Variants in GNAI2 observed in about 807,000 individuals in gnomAD.
GNAI2 encodes G protein subunit alpha i2.
In GNAI2, 4 loss-of-function variants were observed where a neutral mutation model predicts 36.8. The observed-to-expected ratio is 0.11, with a 90% CI of 0.05 to 0.25. The LOEUF (loss-of-function observed/expected upper bound fraction) is 0.25. GNAI2 is among the 10% of genes least tolerant of loss of function. The pLI is 1.00. For synonymous variants in GNAI2, 194 were observed against 194.1 expected, an observed-to-expected ratio of 1.00 and a Z score of 0.01; for missense variants, 230 against 481.3, an observed-to-expected ratio of 0.48 and a Z score of 4.89.
At position 50,257,107 on chromosome 3, in the gene GNAI2, G is replaced by C. The variant is rs1553703351; in HGVS notation, c.877+17G>C. 1 of 1,609,390 alleles carries C rather than the reference G, an allele frequency of 6.2e-7. No individual in the cohort carries two copies. The highest frequency in any genetic ancestry group is 1.7e-5 in the Admixed American group (1 of 59,958). ...AGTACACAGGTGTGGGGACTGTGGG[G>C]ATAGGGCCTCCAGAGGGTTGCTTCT... is the stretch of plus-strand genomic sequence containing the variant. On this transcript the variant is annotated intron_variant, in intron 7 of 8. Coordinates refer to ENST00000313601, the MANE Select transcript of GNAI2 (RefSeq NM_002070.4).
At position 50,236,332 on chromosome 3, in the gene GNAI2, C is replaced by G; in HGVS notation, c.-4C>G. On this transcript the variant is annotated 5_prime_UTR_variant, in exon 1 of 9. Coordinates refer to ENST00000313601, the MANE Select transcript of GNAI2 (RefSeq NM_002070.4). The surrounding 1 kb of genome is among the most constrained non-coding windows in gnomAD (Gnocchi z 4.0). Reference sequence around the variant, plus strand: ...GGGCGGCGGCCGGGCCGGCGGACGGCGGGATGGGCTGCACCGTGAGCGCCG... The same window carrying G: ...GGGCGGCGGCCGGGCCGGCGGACGGGGGGATGGGCTGCACCGTGAGCGCCG... The G allele has an allele frequency of 7.0e-7, 1 of 1,418,520 alleles. No homozygotes were observed. The highest frequency in any genetic ancestry group is 1.5e-5 in the African/African-American group (1 of 66,298). 87.9% of individuals were successfully genotyped at this position (1,418,520 alleles called of 1,614,324 possible). A position where few individuals can be genotyped will look rare whatever the true frequency, so the allele number is the denominator to read the frequency against.
In GNAI2 at chr3:50,242,720, C is replaced by A. The variant is rs887440874; in HGVS notation, c.118+6267C>A. ...ATTTGCTGGGCTGGTTCTTCTGTGCCGGCCTCTGTGCACATTTACAAGGCT... is the reference window on the plus strand; with the variant it reads ...ATTTGCTGGGCTGGTTCTTCTGTGCAGGCCTCTGTGCACATTTACAAGGCT... On this transcript the variant is annotated intron_variant, in intron 1 of 8. Coordinates refer to ENST00000313601, the MANE Select transcript of GNAI2 (RefSeq NM_002070.4). This position sits in a 1 kb window ranked among gnomAD's most constrained non-coding sequence, Gnocchi z 4.8. Among the ~76,000 whole-genome samples, 1 of 152,172 alleles carries A rather than the reference C, an allele frequency of 6.6e-6. No homozygotes were observed. The highest frequency in any genetic ancestry group is 1.5e-5 in the Non-Finnish European group (1 of 68,040).
At position 50,252,624 on chromosome 3, in the gene GNAI2, C is replaced by A; in HGVS notation, c.303+86C>A. On this transcript the variant is annotated intron_variant, in intron 3 of 8. Coordinates refer to ENST00000313601, the MANE Select transcript of GNAI2 (RefSeq NM_002070.4). The surrounding 1 kb of genome is among the most constrained non-coding windows in gnomAD (Gnocchi z 4.1). The stretch of plus-strand genomic sequence containing the variant: ...GGTGGCTCATGCCTATAAATCCCAG[C>A]ACTTTGGGACGCCGAGGCGGGTGGA... The A allele has an allele frequency of 8.6e-7, 1 of 1,157,818 alleles. No individual in the cohort carries two copies. Among genetic ancestry groups the A allele is most frequent in the Non-Finnish European group, 1.2e-6 (1 of 801,532 alleles). 71.7% of individuals were successfully genotyped at this position (1,157,818 alleles called of 1,614,324 possible). A position where few individuals can be genotyped will look rare whatever the true frequency, so the allele number is the denominator to read the frequency against.
rs1553702748 is a variant in GNAI2, at chr3:50,253,012, C to T, written c.304-12C>T. 1.3e-6 allele frequency: 2 copies of T among 1,573,098 alleles called. No individual in the cohort carries two copies. Among genetic ancestry groups the T allele is most frequent in the Non-Finnish European group, 1.7e-6 (2 of 1,150,634 alleles). ...TTCCTTCAACTGCCTGACCACCCGC[C>T]ACTGTGCCCAGGACGACGCCAGGCA... On this transcript the variant is annotated splice_polypyrimidine_tract_variant and intron_variant, in intron 3 of 8. Coordinates refer to ENST00000313601, the MANE Select transcript of GNAI2 (RefSeq NM_002070.4). The surrounding 1 kb of genome is among the most constrained non-coding windows in gnomAD (Gnocchi z 4.2).
chr3:50,257,808 C>CG, intron 8 of GNAI2, 94 bp downstream of exon 8: 1 of 309,952 alleles, frequency 3.2e-6, no homozygotes, highest in Non-Finnish European at 5.8e-6. Context: ...GGGGGTGAAC[C>CG]TGGAGGGGGA....
intron 1 of GNAI2, among the ~76,000 whole-genome samples, chr3:50,237,012 G>A (rs2109181291): frequency 6.6e-6 from 1 of 152,250 alleles, no homozygotes; most frequent in South Asian, 2.1e-4. Context: ...AACTGCTCTT[G>A]AGCCCCATCT....
Position 50,258,981 on chromosome 3 carries a change from C to A in GNAI2, c.*638C>A, listed in dbSNP as rs587617733. 29 of 447,260 alleles carry A rather than the reference C, an allele frequency of 6.5e-5. No individual in the cohort carries two copies. Among genetic ancestry groups the A allele is most frequent in the South Asian group, 4.5e-4 (28 of 62,706 alleles). 27.7% of individuals were successfully genotyped at this position (447,260 alleles called of 1,614,324 possible). On this transcript the variant is annotated 3_prime_UTR_variant, in exon 9 of 9. Coordinates refer to ENST00000313601, the MANE Select transcript of GNAI2 (RefSeq NM_002070.4). The stretch of plus-strand genomic sequence containing the variant: ...CAGATCCTGACCAGCAAGCCCCCCC[C>A]CAGCCCCCCTTCCAAGTGACTCCGT...
chr3:50,236,867 T>C lies in GNAI2; in HGVS notation c.118+414T>C, dbSNP rs984613011. 6.6e-6 allele frequency among the ~76,000 whole-genome samples: 1 copy of C among 152,130 alleles called. No individual in the cohort carries two copies. Among genetic ancestry groups the C allele is most frequent in the African/African-American group, 2.4e-5 (1 of 41,422 alleles). The stretch of plus-strand genomic sequence containing the variant: ...TCCTCACCTGCGCCTTTTATTCCTA[T>C]TGGGCATGAGCATCCCGCGGGGCCC... On this transcript the variant is annotated intron_variant, in intron 1 of 8. Transcript: ENST00000313601. This position sits in a 1 kb window ranked among gnomAD's most constrained non-coding sequence, Gnocchi z 4.0.
rs140764270 is a variant in GNAI2 at position 50,253,097 on chromosome 3, G to T, written c.377G>T (p.Gly126Val). ...EQGVLPDDLS[G>V]VIRRLWADHG... Reference sequence around the variant, plus strand: ...GGCGTGCTCCCTGATGACCTGTCCGGCGTCATCCGGAGGCTCTGGGCTGAC... The same window carrying T: ...GGCGTGCTCCCTGATGACCTGTCCGTCGTCATCCGGAGGCTCTGGGCTGAC... The change falls in exon 4 of 9, where the codon GGC becomes GTC. Residue 126 changes from glycine to valine, a missense_variant. Transcript: ENST00000313601. This position sits in a 1 kb window ranked among gnomAD's most constrained non-coding sequence, Gnocchi z 4.2. 9.9e-6 allele frequency: 16 copies of T among 1,613,320 alleles called. No individual in the cohort carries two copies. The highest frequency in any genetic ancestry group is 1.4e-5 in the Non-Finnish European group (16 of 1,179,638).
chr3:50,252,925 A>G lies in GNAI2; in HGVS notation c.304-99A>G. On this transcript the variant is annotated intron_variant, in intron 3 of 8. Coordinates refer to ENST00000313601, the MANE Select transcript of GNAI2 (RefSeq NM_002070.4). This position sits in a 1 kb window ranked among gnomAD's most constrained non-coding sequence, Gnocchi z 4.1. ...GGCAAGTCTCATCCTAGGGAATCCA[A>G]GAATACCCTAGCCTGGGCCCCATTC... The G allele has an allele frequency of 1.1e-6, 1 of 948,018 alleles. No individual in the cohort carries two copies. 58.7% of individuals were successfully genotyped at this position (948,018 alleles called of 1,614,324 possible).
upstream of GNAI2, among the ~76,000 whole-genome samples, chr3:50,228,363 C>A (rs1487860450): frequency 6.6e-6 from 1 of 152,098 alleles, no homozygotes; most frequent in East Asian, 1.9e-4. Context: ...ACCAGCCTGG[C>A]CAACATGGCA....
chr3:50,229,938 T>C (rs1700043936), upstream of GNAI2: 1 of 152,296 alleles, frequency 6.6e-6, no homozygotes, highest in Non-Finnish European at 1.5e-5. Flanking sequence ...GTTGAACAGA[T>C]GACCCCTTCC....
At position 50,253,317 on chromosome 3, in the gene GNAI2, G is replaced by T; in HGVS notation, c.464+133G>T. 2 of 637,586 alleles carry T rather than the reference G, an allele frequency of 3.1e-6. No homozygotes were observed. Among genetic ancestry groups the T allele is most frequent in the Non-Finnish European group, 5.1e-6 (2 of 390,356 alleles). The allele number at this position is 637,586 out of a possible 1,614,324, so 39.5% of individuals were successfully genotyped here. On this transcript the variant is annotated intron_variant, in intron 4 of 8. Transcript: ENST00000313601. This position sits in a 1 kb window ranked among gnomAD's most constrained non-coding sequence, Gnocchi z 4.2. ...ATGAAACCGATGACTGTTAACCAAG[G>T]CCTTCCTGTTTTTTGGTTTGGGGGG...
In GNAI2 at chr3:50,253,247, C is replaced by A. The variant is rs946450656; in HGVS notation, c.464+63C>A. On this transcript the variant is annotated intron_variant, in intron 4 of 8. Transcript: ENST00000313601. This position sits in a 1 kb window ranked among gnomAD's most constrained non-coding sequence, Gnocchi z 4.2. ...GCTGGGGGAGGACTAAAGGCTGGACCGGAGGGCCTGAGAACCCCCAGAAGG... is the reference window on the plus strand; with the variant it reads ...GCTGGGGGAGGACTAAAGGCTGGACAGGAGGGCCTGAGAACCCCCAGAAGG... The A allele has an allele frequency of 1.5e-6, 2 of 1,338,550 alleles. No homozygotes were observed. The highest frequency in any genetic ancestry group is 1.4e-5 in the African/African-American group (1 of 69,016). The allele number at this position is 1,338,550 out of a possible 1,614,324, so 82.9% of individuals were successfully genotyped here.
chr3:50,246,813 GGAA>G (rs1453688959), intron 1 of GNAI2: 10 of 991,022 alleles, frequency 1.0e-5, no homozygotes, highest in Non-Finnish European at 1.3e-5. Context: ...CTCCTGGGCA[GGAA>G]GGAGGCCCCA....
Position 50,252,752 on chromosome 3 carries a change from T to A in GNAI2, c.303+214T>A, listed in dbSNP as rs1456479839. On this transcript the variant is annotated intron_variant, in intron 3 of 8. Coordinates refer to ENST00000313601, the MANE Select transcript of GNAI2 (RefSeq NM_002070.4). The surrounding 1 kb of genome is among the most constrained non-coding windows in gnomAD (Gnocchi z 4.1). Reference sequence around the variant, plus strand: ...GGTGGCACGTGCCTGTAATCCCAGCTACTTGGGAGGCTGAAGCAGGAGAAT... The same window carrying A: ...GGTGGCACGTGCCTGTAATCCCAGCAACTTGGGAGGCTGAAGCAGGAGAAT... Among the ~76,000 whole-genome samples the A allele has an allele frequency of 2.0e-5, 3 of 152,106 alleles. No homozygotes were observed. Among genetic ancestry groups the A allele is most frequent in the African/African-American group, 4.8e-5 (2 of 41,414 alleles).
At chr3:50,227,984 G>A (rs115662210), upstream of GNAI2, among the ~76,000 whole-genome samples, 77 of 152,314 alleles carry the variant, frequency 5.1e-4, no homozygotes, top group African/African-American at 1.8e-3. The surrounding 1 kb of genome is among the most constrained non-coding windows in gnomAD (Gnocchi z 5.9). Flanking sequence ...AGCCCCTTTA[G>A]ACCGATCTTT....
chr3:50,229,829 CTGTT>C (rs1203952997), upstream of GNAI2: 9 of 152,382 alleles, frequency 5.9e-5, no homozygotes, highest in African/African-American at 1.9e-4. Context: ...GTTCATTTCC[CTGTT>C]TGTTTGGTGT....
intron 1 of GNAI2, chr3:50,251,841 A>G: frequency 7.9e-7 from 1 of 1,260,076 alleles, no homozygotes; most frequent in Non-Finnish European, 1.0e-6. Flanking sequence ...CATGGTGGGC[A>G]GCAGAGCTTG....
Sources: allele counts gnomAD v4.1 joint callset (sites outside exome capture counted in the v4.1 genomes callset), GRCh38; gene constraint gnomAD v4.1.1; non-coding constraint Gnocchi (gnomAD v3.1); transcripts MANE v1.5; gene names NCBI Gene and HGNC (gene_info 2026-07-23, HGNC 2026-07-21).